Variants in ANO1 observed in about 807,000 individuals in gnomAD.
ANO1 encodes anoctamin-1.
Under a neutral mutation model 124.0 loss-of-function variants are expected in ANO1, and 59 were observed. That is an observed-to-expected ratio of 0.48 (90% CI 0.39 to 0.59). The LOEUF (loss-of-function observed/expected upper bound fraction) is 0.59, where lower values mean the gene tolerates loss of function less well. ANO1 is among the 20% of genes least tolerant of loss of function. The pLI is 0.00. For missense variants in ANO1, 1,059 were observed against 1,328.0 expected, an observed-to-expected ratio of 0.80 and a Z score of 3.15; for synonymous variants, 529 against 532.0, an observed-to-expected ratio of 0.99 and a Z score of 0.08.
At position 70,163,328 on chromosome 11, in the gene ANO1, C is replaced by A; in HGVS notation, c.1938C>A (p.Phe646Leu). 6.2e-7 allele frequency: 1 copy of A among 1,614,050 alleles called. No individual in the cohort carries two copies. The highest frequency in any genetic ancestry group is 8.5e-7 in the Non-Finnish European group (1 of 1,179,908). The change falls in exon 19 of 26, where the codon TTC becomes TTA. Residue 646 changes from phenylalanine to leucine, a missense_variant. Transcript: ENST00000355303. Reference protein sequence around the residue: ...PGDYVYIFRSFRMEECAPGGC... With the variant: ...PGDYVYIFRSLRMEECAPGGC... ...ACTACGTGTACATTTTCCGTTCCTT[C>A]CGAATGGAAGAGGTAACCGAAATTT...
At chr11:70,059,320 T>C (rs1452705754) in intron 1 of ANO1, among the ~76,000 whole-genome samples, 10 of 127,072 alleles carry the variant, frequency 7.9e-5, no homozygotes, top group African/African-American at 2.1e-4. Flanking sequence ...CACTGCACTC[T>C]AGCCTGGGCG....
intron 1 of ANO1, among the ~76,000 whole-genome samples, chr11:70,069,973 G>A (rs184011679): frequency 4.6e-4 from 70 of 152,298 alleles, no homozygotes; most frequent in Non-Finnish European, 7.9e-4. Context: ...TATATGACAC[G>A]GATCTTTGGA....
intron 1 of ANO1, among the ~76,000 whole-genome samples, chr11:70,061,820 A>T (rs1357686189): frequency 6.6e-6 from 1 of 152,110 alleles, no homozygotes; most frequent in Non-Finnish European, 1.5e-5. Flanking sequence ...CTTCAGACCG[A>T]CAACAGAGGA....
At chr11:70,034,757 C>T (rs1429210912) in intron 1 of ANO1, among the ~76,000 whole-genome samples, 3 of 152,082 alleles carry the variant, frequency 2.0e-5, no homozygotes, top group African/African-American at 7.2e-5. Context: ...TAAAGAAGCG[C>T]AAGGTTCTGC....
Position 70,126,095 on chromosome 11 carries a change from G to T in ANO1, c.997G>T (p.Ala333Ser). The change falls in exon 10 of 26, where the codon GCC (alanine) becomes TCC (serine). Residue 333 changes from alanine (A) to serine (S), a missense_variant. Physicochemically the swap from Ala to Ser is moderately conservative, Grantham distance 99 (BLOSUM62 1). Coordinates refer to ENST00000355303, the MANE Select transcript of ANO1 (RefSeq NM_018043.7). Reference protein sequence around the residue: ...YFGEKIGLYFAWLGVYTQMLI... With the variant: ...YFGEKIGLYFSWLGVYTQMLI... ...TGGGGAGAAGATCGGCCTGTACTTCGCCTGGCTGGGCGTGTACACCCAGAT... is the reference window on the plus strand; with the variant it reads ...TGGGGAGAAGATCGGCCTGTACTTCTCCTGGCTGGGCGTGTACACCCAGAT... 1 of 1,612,496 alleles carries T rather than the reference G, an allele frequency of 6.2e-7. No homozygotes were observed. Among genetic ancestry groups the T allele is most frequent in the Non-Finnish European group, 8.5e-7 (1 of 1,179,162 alleles).
chr11:70,066,323 C>A (rs1161202179), intron 1 of ANO1, among the ~76,000 whole-genome samples: 1 of 152,216 alleles, frequency 6.6e-6, no homozygotes, highest in South Asian at 2.1e-4. Context: ...CCCAAGGGAC[C>A]CCATGCTTGG....
chr11:70,001,442 G>A (rs1159580910), intron 1 of ANO1, among the ~76,000 whole-genome samples: 9 of 152,054 alleles, frequency 5.9e-5, no homozygotes, highest in East Asian at 1.9e-4. Flanking sequence ...ACTCAGACAC[G>A]AGGATGGATG....
intron 9 of ANO1, 148 bp downstream of exon 9, chr11:70,124,562 C>A (rs569488661): frequency 2.6e-6 from 2 of 757,344 alleles, no homozygotes; most frequent in Non-Finnish European, 4.4e-6. Context: ...CCAAAATGTC[C>A]CTGCAGGGCT....
At chr11:70,058,643 C>G (rs1857494808) in intron 1 of ANO1, among the ~76,000 whole-genome samples, 1 of 152,148 alleles carries the variant, frequency 6.6e-6, no homozygotes. Flanking sequence ...AAAGCACATC[C>G]ATATAAAAGT....
intron 12 of ANO1, among the ~76,000 whole-genome samples, chr11:70,151,145 A>C (rs2047586973): frequency 6.6e-6 from 1 of 152,254 alleles, no homozygotes; most frequent in Non-Finnish European, 1.5e-5. Flanking sequence ...ACTTGATGGC[A>C]TTTGTAGGGT....
chr11:70,135,118 A>G (rs1001931128), intron 11 of ANO1, among the ~76,000 whole-genome samples: 2 of 152,114 alleles, frequency 1.3e-5, no homozygotes, highest in African/African-American at 4.8e-5. Flanking sequence ...CACCTATGGG[A>G]AGGTGTGAGA....
chr11:70,139,771 A>G (rs1366148216), intron 11 of ANO1, among the ~76,000 whole-genome samples: 2 of 152,256 alleles, frequency 1.3e-5, no homozygotes, highest in East Asian at 3.8e-4. Flanking sequence ...TATACCCAGT[A>G]ATGGCATTGC....
intron 1 of ANO1, among the ~76,000 whole-genome samples, chr11:70,001,514 A>G (rs924633213): frequency 3.9e-5 from 6 of 152,134 alleles, no homozygotes; most frequent in African/African-American, 1.4e-4. Flanking sequence ...ACCACCTGCA[A>G]CTGCTCCCAG....
chr11:70,070,443 G>A (rs1857842934), intron 1 of ANO1, among the ~76,000 whole-genome samples: 1 of 152,216 alleles, frequency 6.6e-6, no homozygotes, highest in African/African-American at 2.4e-5. Context: ...AGCACTTTGG[G>A]AGGCCAAGGT....
intron 11 of ANO1, chr11:70,149,427 G>A (rs545940134): frequency 6.4e-4 from 251 of 393,250 alleles, no homozygotes; most frequent in African/African-American, 2.9e-3. Flanking sequence ...AAGGCAGGTG[G>A]ATCACCTGAG....
At chr11:70,022,639 G>A (rs1471530072) in intron 1 of ANO1, among the ~76,000 whole-genome samples, 1 of 151,508 alleles carries the variant, frequency 6.6e-6, no homozygotes, top group Non-Finnish European at 1.5e-5. Flanking sequence ...TGAAGCCACT[G>A]ATGGCCCCAT....
chr11:70,108,401 A>C lies in ANO1; in HGVS notation c.796A>C (p.Met266Leu), dbSNP rs764330705. ...RTTCTKAKYSMGITSLLANGV... is the reference protein window; with the variant it reads ...RTTCTKAKYSLGITSLLANGV... ...GACGTGTACAAAGGCCAAGTACAGC[A>C]TGGGTAAGCACGTTTTTGGGGCTTG... Residue 266 changes from methionine to leucine, a missense_variant, in exon 6 of 26, where the codon ATG (methionine) becomes CTG (leucine). Transcript: ENST00000355303. The C allele has an allele frequency of 6.2e-7, 1 of 1,611,882 alleles. No individual in the cohort carries two copies. Among genetic ancestry groups the C allele is most frequent in the Non-Finnish European group, 8.5e-7 (1 of 1,178,428 alleles).
intron 1 of ANO1, among the ~76,000 whole-genome samples, chr11:69,998,437 T>C (rs78047313): frequency 0.01 from 1,583 of 152,304 alleles, 37 homozygotes; most frequent in African/African-American, 0.036. Flanking sequence ...GGAAATGTTT[T>C]GGTGTTCATG....
intron 1 of ANO1, among the ~76,000 whole-genome samples, chr11:70,011,353 A>G (rs1856595959): frequency 6.6e-6 from 1 of 151,732 alleles, no homozygotes; most frequent in African/African-American, 2.4e-5. Context: ...TGAGTTTAGG[A>G]CCTACCCCAT....
Sources: gnomAD v4.1 joint callset for allele counts (sites outside exome capture counted in the v4.1 genomes callset) on GRCh38, gnomAD v4.1.1 for gene constraint, MANE v1.5 for transcripts, NCBI Gene and HGNC (gene_info 2026-07-23, HGNC 2026-07-21) for gene names.